The following WDFY4 variants were observed in gnomAD, a reference collection of about 807,000 sequenced individuals.
WDFY4 encodes the protein WDFY family member 4.
WDFY4 carries 169 observed loss-of-function variants against 351.9 expected under a neutral mutation model. The observed-to-expected ratio is 0.48, with a 90% CI of 0.42 to 0.55. The LOEUF (loss-of-function observed/expected upper bound fraction) is 0.55. Ranked by LOEUF, WDFY4 falls within the 20% of genes least tolerant of loss-of-function variation. The pLI, the probability that WDFY4 is intolerant of heterozygous loss-of-function variation, is 0.00. For synonymous variants in WDFY4, 1,622 were observed against 1,574.6 expected (o/e 1.03, Z -0.71); for missense variants, 3,803 against 3,935.6 (o/e 0.97, Z 0.90).
chr10:48,694,113 G>A (rs189339485), intron 1 of WDFY4, among the ~76,000 whole-genome samples: 2 of 152,198 alleles, frequency 1.3e-5, no homozygotes, highest in African/African-American at 2.4e-5. Flanking sequence ...ACCAAACCAA[G>A]CCATCTGGAA....
At chr10:48,962,876 GC>G (rs1362607643) in intron 53 of WDFY4, among the ~76,000 whole-genome samples, 1 of 152,200 alleles carries the variant, frequency 6.6e-6, no homozygotes, top group Non-Finnish European at 1.5e-5. Flanking sequence ...GAAACTCCTT[GC>G]CTGCTGCATG....
chr10:48,805,974 G>A (rs749330309), intron 26 of WDFY4, 30 bp from the exon 27 acceptor site: 279 of 1,549,278 alleles, frequency 1.8e-4, no homozygotes, highest in Middle Eastern at 3.3e-4. Context: ...GCCCGCCTGC[G>A]AGCCTGTCCT....
At chr10:48,719,360 A>G (rs1346659863) in intron 2 of WDFY4, among the ~76,000 whole-genome samples, 1 of 152,170 alleles carries the variant, frequency 6.6e-6, no homozygotes, top group Non-Finnish European at 1.5e-5. Flanking sequence ...TCGCTTCTGA[A>G]GTTTTTCATT....
intron 47 of WDFY4, among the ~76,000 whole-genome samples, chr10:48,908,373 A>C (rs1837735945): frequency 6.6e-6 from 1 of 152,270 alleles, no homozygotes; most frequent in Non-Finnish European, 1.5e-5. Flanking sequence ...CCTGGGACAT[A>C]GAGATTTCAT....
At chr10:48,719,883 C>T in intron 2 of WDFY4, 128 bp from the exon 3 acceptor site, 1 of 793,204 alleles carries the variant, frequency 1.3e-6, no homozygotes, top group South Asian at 1.7e-5. Context: ...ACGTGGTGGC[C>T]TTTTGCATGC....
intron 47 of WDFY4, among the ~76,000 whole-genome samples, chr10:48,933,707 G>T (rs953837266): frequency 1.3e-5 from 2 of 152,186 alleles, no homozygotes; most frequent in African/African-American, 4.8e-5. Context: ...CTGAAAAATT[G>T]GCAGTGAATT....
intron 38 of WDFY4, among the ~76,000 whole-genome samples, chr10:48,831,970 T>C (rs2068204843): frequency 1.3e-5 from 2 of 152,310 alleles, no homozygotes; most frequent in African/African-American, 4.8e-5. Flanking sequence ...ACCACCACAA[T>C]TGGGATTAAG....
At chr10:48,806,319 G>A (rs1158729321) in intron 27 of WDFY4, among the ~76,000 whole-genome samples, 2 of 152,182 alleles carry the variant, frequency 1.3e-5, no homozygotes, top group Admixed American at 6.5e-5. Context: ...GGTGTTCCAG[G>A]CCTCCAGAAT....
chr10:48,901,097 G>T (rs1277749427), intron 46 of WDFY4, among the ~76,000 whole-genome samples: 2 of 152,154 alleles, frequency 1.3e-5, no homozygotes, highest in African/African-American at 4.8e-5. Context: ...TGGCACCCAG[G>T]GCCCACTACT....
intron 24 of WDFY4, among the ~76,000 whole-genome samples, chr10:48,797,156 G>A (rs2066903603): frequency 6.6e-6 from 1 of 152,228 alleles, no homozygotes; most frequent in Admixed American, 6.5e-5. Flanking sequence ...CTTCCAGGTG[G>A]AGTGTATATG....
At chr10:48,747,805 G>A (rs2065059958) in intron 12 of WDFY4, among the ~76,000 whole-genome samples, 1 of 152,074 alleles carries the variant, frequency 6.6e-6, no homozygotes, top group Non-Finnish European at 1.5e-5. Flanking sequence ...TTTTTTGAGA[G>A]TATATTGTTT....
At chr10:48,840,305 A>T (rs968902978) in intron 39 of WDFY4, among the ~76,000 whole-genome samples, 4 of 152,018 alleles carry the variant, frequency 2.6e-5, no homozygotes, top group African/African-American at 9.7e-5. Flanking sequence ...CATCAGGGAA[A>T]TTCAACCAGC....
At chr10:48,892,104 T>C (rs1836833081) in intron 44 of WDFY4, among the ~76,000 whole-genome samples, 3 of 152,184 alleles carry the variant, frequency 2.0e-5, no homozygotes, top group Non-Finnish European at 2.9e-5. Context: ...TACTGATCAA[T>C]ATGGACAATG....
At chr10:48,715,332 A>G (rs2132239560) in intron 2 of WDFY4, among the ~76,000 whole-genome samples, 1 of 152,394 alleles carries the variant, frequency 6.6e-6, no homozygotes, top group Admixed American at 6.5e-5. Flanking sequence ...GTGTTTTGTC[A>G]TGCACAACAG....
intron 23 of WDFY4, among the ~76,000 whole-genome samples, chr10:48,795,498 T>TATATATATATATATATATATAC (rs2066829067): frequency 1.9e-5 from 2 of 104,322 alleles, no homozygotes; most frequent in East Asian, 7.0e-4. Context: ...TCTGTATATA[T>TATATATATATATATATATATAC]ATATATATAT....
intron 7 of WDFY4, 32 bp from the exon 8 acceptor site, chr10:48,729,400 G>A (rs959873529): frequency 6.5e-7 from 1 of 1,548,920 alleles, no homozygotes; most frequent in Non-Finnish European, 8.7e-7. Context: ...CATCTAGGAA[G>A]TACAGGGAGC....
At chr10:48,766,079 C>G (rs1297847497) in intron 13 of WDFY4, among the ~76,000 whole-genome samples, 1 of 152,202 alleles carries the variant, frequency 6.6e-6, no homozygotes, top group Non-Finnish European at 1.5e-5. Context: ...TAAGGGCAGG[C>G]TATTTGAAAA....
At chr10:48,917,524 G>A (rs554804597) in intron 47 of WDFY4, among the ~76,000 whole-genome samples, 53 of 152,318 alleles carry the variant, frequency 3.5e-4, no homozygotes, top group African/African-American at 1.3e-3. Flanking sequence ...ACCCACAGGG[G>A]AACAGCAATA....
rs1451041320 is a variant in WDFY4, at chr10:48,913,302, G to A, written c.7586+11439G>A. Reference sequence around the variant, plus strand: ...GCTGAAAGAGCTGCTGCAGCCACAGGGGAGCCCTTGGTTTCCTGTGGAGGT... The same window carrying A: ...GCTGAAAGAGCTGCTGCAGCCACAGAGGAGCCCTTGGTTTCCTGTGGAGGT... On this transcript the variant is annotated intron_variant, in intron 47 of 61. Coordinates refer to ENST00000325239, the MANE Select transcript of WDFY4 (RefSeq NM_001394531.1). 3 of 1,247,200 alleles carry A rather than the reference G, an allele frequency of 2.4e-6. No individual in the cohort carries two copies. The Admixed American group carries it at 6.6e-5, about 27-fold the overall frequency. 77.3% of individuals were successfully genotyped at this position (1,247,200 alleles called of 1,614,324 possible). A position where few individuals can be genotyped will look rare whatever the true frequency, so the allele number is the denominator to read the frequency against.
Sources: allele counts gnomAD v4.1 joint callset (sites outside exome capture counted in the v4.1 genomes callset), GRCh38; gene constraint gnomAD v4.1.1; transcripts MANE v1.5; gene names NCBI Gene and HGNC (gene_info 2026-07-23, HGNC 2026-07-21).